The following UBE2J2 variants were observed in gnomAD, a reference collection of about 807,000 sequenced individuals.
UBE2J2 encodes ubiquitin conjugating enzyme E2 J2.
UBE2J2 carries 5 observed loss-of-function variants against 28.6 expected under a neutral mutation model. The observed-to-expected ratio is 0.17, with a 90% CI of 0.09 to 0.37. The LOEUF is 0.37. Ranked by LOEUF, UBE2J2 falls within the 10% of genes least tolerant of loss-of-function variation. The pLI is 1.00. For synonymous variants in UBE2J2, 138 were observed against 139.7 expected, an observed-to-expected ratio of 0.99 and a Z score of 0.09; for missense variants, 226 against 338.9, an observed-to-expected ratio of 0.67 and a Z score of 2.62.
intron 1 of UBE2J2, chr1:1,271,650 A>C (rs374469476): frequency 6.6e-6 from 1 of 152,222 alleles, no homozygotes; most frequent in South Asian, 2.1e-4. Context: ...TCTCATCCCA[A>C]TATGACAGCA....
At position 1,255,166 on chromosome 1, in the gene UBE2J2, T is replaced by C. The variant is rs2101022448; in HGVS notation, c.*37A>G. Reference sequence around the variant, plus strand: ...GCCGAGGTCACGCTCTGGTGCGCGGTGCCCTCAGTGGCGCCTTGGGTCTCG... The same window carrying C: ...GCCGAGGTCACGCTCTGGTGCGCGGCGCCCTCAGTGGCGCCTTGGGTCTCG... On this transcript the variant is annotated 3_prime_UTR_variant, in exon 7 of 7. Transcript: ENST00000349431. The C allele has an allele frequency of 1.3e-6, 2 of 1,548,926 alleles. No homozygotes were observed. Among genetic ancestry groups the C allele is most frequent in the East Asian group, 4.5e-5 (2 of 44,034 alleles).
intron 1 of UBE2J2, among the ~76,000 whole-genome samples, chr1:1,269,463 T>A (rs1208479005): frequency 1.3e-4 from 19 of 151,090 alleles, no homozygotes; most frequent in Admixed American, 2.0e-4. Flanking sequence ...AAACCTTATT[T>A]TTTTTTTTTT....
At chr1:1,260,048 C>A (rs1639465573) in intron 3 of UBE2J2, among the ~76,000 whole-genome samples, 1 of 152,182 alleles carries the variant, frequency 6.6e-6, no homozygotes. Context: ...CCTGAAGACA[C>A]ACATGGCCAA....
intron 3 of UBE2J2, among the ~76,000 whole-genome samples, chr1:1,261,406 T>C (rs537026837): frequency 1.3e-5 from 2 of 152,128 alleles, no homozygotes; most frequent in Middle Eastern, 3.4e-3. Context: ...AGTGACAGGG[T>C]TGGGGCTGGC....
At chr1:1,263,636 G>T (rs532477353) in intron 2 of UBE2J2, 2 of 396,716 alleles carry the variant, frequency 5.0e-6, no homozygotes, top group South Asian at 7.6e-5. Context: ...AAGTACCTTT[G>T]TTTCGACAAT....
chr1:1,257,619 C>T (rs1028310078), intron 3 of UBE2J2, among the ~76,000 whole-genome samples: 1 of 151,274 alleles, frequency 6.6e-6, no homozygotes, highest in Non-Finnish European at 1.5e-5. Context: ...GCACACCCCT[C>T]TCCCTGGAGT....
rs919269671 is a variant in UBE2J2, at chr1:1,254,453, AC to A, written c.*749del. On this transcript the variant is annotated 3_prime_UTR_variant, in exon 7 of 7. Transcript: ENST00000349431. ...AATTCAGAGAAAAGGCTCTGCAGGT[AC>A]CCAAGGCCCCCCAGCCTGCAGCACC... 6.6e-6 allele frequency: 1 copy of A among 152,162 alleles called. No individual in the cohort carries two copies. Among genetic ancestry groups the A allele is most frequent in the African/African-American group, 2.4e-5 (1 of 41,424 alleles). 9.4% of individuals were successfully genotyped at this position (152,162 alleles called of 1,614,324 possible). A position where few individuals can be genotyped will look rare whatever the true frequency, so the allele number is the denominator to read the frequency against.
intron 3 of UBE2J2, 38 bp from the exon 4 acceptor site, chr1:1,257,348 C>A: frequency 7.2e-7 from 1 of 1,386,272 alleles, no homozygotes; most frequent in Non-Finnish European, 1.0e-6. Context: ...TTGTCGTCCG[C>A]CACAGCAGGG....
intron 3 of UBE2J2, among the ~76,000 whole-genome samples, chr1:1,260,237 G>A (rs1639477173): frequency 6.6e-6 from 1 of 152,224 alleles, no homozygotes; most frequent in African/African-American, 2.4e-5. Context: ...ACACCCAGAA[G>A]ACACAAGAGA....
intron 1 of UBE2J2, among the ~76,000 whole-genome samples, chr1:1,270,100 G>A (rs953840494): frequency 7.2e-5 from 11 of 152,164 alleles, no homozygotes; most frequent in African/African-American, 2.4e-4. Context: ...CTGCTGCCAT[G>A]TGAGACATGC....
chr1:1,263,376 C>A lies in UBE2J2; in HGVS notation c.142G>T (p.Val48Phe). 6.2e-7 allele frequency: 1 copy of A among 1,613,224 alleles called. No individual in the cohort carries two copies. Among genetic ancestry groups the A allele is most frequent in the Non-Finnish European group, 8.5e-7 (1 of 1,179,318 alleles). ...TAAGGGGTCATCTCTGGGCCTCGGACGACATAGTGCCTAAGGGAGAGAAGA... is the reference window on the plus strand; with the variant it reads ...TAAGGGGTCATCTCTGGGCCTCGGAAGACATAGTGCCTAAGGGAGAGAAGA... Reference protein sequence around the residue: ...PSNILEWHYVVRGPEMTPYEG... With the variant: ...PSNILEWHYVFRGPEMTPYEG... Residue 48 changes from valine to phenylalanine, a missense_variant, in exon 3 of 7, where the codon GTC becomes TTC. Coordinates refer to ENST00000349431, the MANE Select transcript of UBE2J2 (RefSeq NM_058167.3).
chr1:1,259,969 C>T (rs2101049434), intron 3 of UBE2J2, among the ~76,000 whole-genome samples: 1 of 152,342 alleles, frequency 6.6e-6, no homozygotes, highest in African/African-American at 2.4e-5. Flanking sequence ...GTGTCTCTCT[C>T]TTGATCACTA....
chr1:1,257,375 T>TCCCCCCCCCCCCCCC, intron 3 of UBE2J2, 65 bp from the exon 4 acceptor site: 1 of 412,396 alleles, frequency 2.4e-6, no homozygotes. Context: ...GGAGACCTCG[T>TCCCCCCCCCCCCCCC]CCCCATCCCC....
chr1:1,255,872 C>T (rs1372800161), intron 6 of UBE2J2, among the ~76,000 whole-genome samples, 173 bp downstream of exon 6: 2 of 152,260 alleles, frequency 1.3e-5, no homozygotes, highest in African/African-American at 2.4e-5. Flanking sequence ...TGTCCGCAGG[C>T]CACCCCCCAG....
intron 3 of UBE2J2, among the ~76,000 whole-genome samples, chr1:1,260,636 G>T (rs1364153331): frequency 1.3e-5 from 2 of 152,180 alleles, no homozygotes; most frequent in Admixed American, 6.5e-5. Context: ...CCTGAAGTGG[G>T]TCCCTGGCAG....
In UBE2J2 at chr1:1,255,484, T is replaced by A. The variant is rs762133537; in HGVS notation, c.499A>T (p.Ile167Phe). ...TCTTGTGCTTTCTGTTTTTGTTTAA[T>A]CTCCTAAGAGAAAAACAGCGAGAAA... Reference protein sequence around the residue: ...CELFPEVVEEIKQKQKAQDEL... With the variant: ...CELFPEVVEEFKQKQKAQDEL... Residue 167 changes from isoleucine (I) to phenylalanine (F), a missense_variant, in exon 7 of 7, where the codon ATT becomes TTT. This residue lies in a region of UBE2J2 where 133 missense variants were observed against 161.5 expected (regional missense o/e 0.82). Coordinates refer to ENST00000349431, the MANE Select transcript of UBE2J2 (RefSeq NM_058167.3). The A allele has an allele frequency of 6.2e-7, 1 of 1,607,438 alleles. No individual in the cohort carries two copies. The highest frequency in any genetic ancestry group is 8.5e-7 in the Non-Finnish European group (1 of 1,175,164).
At position 1,267,840 on chromosome 1, in the gene UBE2J2, G is replaced by T. The variant is rs772093308; in HGVS notation, c.131+22C>A. On this transcript the variant is annotated intron_variant, in intron 2 of 6. Transcript: ENST00000349431. ...GTGGCAGCGACAGTCAGCGCAGGGCGATCAGTGGCGCGGAGCCTTACCACT... is the reference window on the plus strand; with the variant it reads ...GTGGCAGCGACAGTCAGCGCAGGGCTATCAGTGGCGCGGAGCCTTACCACT... The T allele has an allele frequency of 6.8e-6, 11 of 1,612,588 alleles. No individual in the cohort carries two copies. The South Asian group carries it at 1.2e-4, about 18-fold the overall frequency.
At chr1:1,263,065 G>T (rs1218604693) in intron 3 of UBE2J2, 2 of 402,144 alleles carry the variant, frequency 5.0e-6, no homozygotes, top group Non-Finnish European at 9.3e-6. Flanking sequence ...GCCAGCTTCA[G>T]TGTTTACCCC....
intron 3 of UBE2J2, among the ~76,000 whole-genome samples, chr1:1,260,602 G>A (rs1457405758): frequency 6.6e-6 from 1 of 152,220 alleles, no homozygotes; most frequent in African/African-American, 2.4e-5. Context: ...AGCACCAGAT[G>A]AAAATCAGGA....
Sources: gnomAD v4.1 joint callset for allele counts (sites outside exome capture counted in the v4.1 genomes callset) on GRCh38, gnomAD v4.1.1 for gene constraint, gnomAD v4.1.1 regional missense constraint, MANE v1.5 for transcripts, NCBI Gene and HGNC (gene_info 2026-07-23, HGNC 2026-07-21) for gene names.